The following ATP9B variants were observed in gnomAD, a reference collection of about 807,000 sequenced individuals.
ATP9B encodes ATPase phospholipid transporting 9B.
ATP9B carries 110 observed loss-of-function variants against 146.1 expected under a neutral mutation model. That is an observed-to-expected ratio of 0.75 (90% CI 0.65 to 0.88). The LOEUF (loss-of-function observed/expected upper bound fraction) is 0.88. ATP9B is among the 40% of genes least tolerant of loss of function. The pLI, the probability that ATP9B is intolerant of heterozygous loss-of-function variation, is 0.00. For missense variants in ATP9B, 1,499 were observed against 1,496.4 expected (o/e 1.00, Z -0.03); for synonymous variants, 604 against 569.7 (o/e 1.06, Z -0.86).
intron 11 of ATP9B, among the ~76,000 whole-genome samples, chr18:79,225,802 TCGCAGGGCGGCCAC>T (rs1218391820): frequency 3.2e-5 from 4 of 126,374 alleles, no homozygotes; most frequent in African/African-American, 1.0e-4. Flanking sequence ...GGTCCCGCAG[TCGCAGGGCGGCCAC>T]TGTCTTCAGC....
chr18:79,177,545 A>C (rs2095192325), intron 8 of ATP9B, among the ~76,000 whole-genome samples: 1 of 152,018 alleles, frequency 6.6e-6, no homozygotes, highest in Admixed American at 6.6e-5. Context: ...GCCCAGTGAT[A>C]AATTTTTATT....
chr18:79,354,789 G>A lies in ATP9B; in HGVS notation c.2904-4565G>A, dbSNP rs147748498. On this transcript the variant is annotated intron_variant, in intron 25 of 29. Coordinates refer to ENST00000426216, the MANE Select transcript of ATP9B (RefSeq NM_198531.5). ...TCCAGCAGCTGGAGCTGAAGGAGCCGGCAGCCTGGAAACGCCCATGGGTGC... is the reference window on the plus strand; with the variant it reads ...TCCAGCAGCTGGAGCTGAAGGAGCCAGCAGCCTGGAAACGCCCATGGGTGC... Among the ~76,000 whole-genome samples the A allele has an allele frequency of 6.6e-3, 1,000 of 152,182 alleles. 5 individuals are homozygous for A. The highest frequency in any genetic ancestry group is 0.022 in the African/African-American group (924 of 41,518).
chr18:79,157,054 G>A (rs1449506487), intron 7 of ATP9B, among the ~76,000 whole-genome samples: 2 of 151,904 alleles, frequency 1.3e-5, no homozygotes, highest in African/African-American at 4.8e-5. Flanking sequence ...GGCTTTTTTT[G>A]CATCTGTTTT....
intron 8 of ATP9B, among the ~76,000 whole-genome samples, chr18:79,191,573 A>G (rs1157354124): frequency 2.0e-5 from 3 of 152,186 alleles, no homozygotes; most frequent in Non-Finnish European, 4.4e-5. Context: ...TAGATTCACC[A>G]TCATCTGTAA....
At chr18:79,088,883 C>T (rs540217265) in intron 1 of ATP9B, among the ~76,000 whole-genome samples, 15 of 152,116 alleles carry the variant, frequency 9.9e-5, no homozygotes, top group Admixed American at 2.0e-4. Context: ...AGTTTATTTA[C>T]GTTACAGAAA....
At chr18:79,261,782 A>G (rs2096144433) in intron 12 of ATP9B, among the ~76,000 whole-genome samples, 1 of 152,152 alleles carries the variant, frequency 6.6e-6, no homozygotes, top group Admixed American at 6.5e-5. Flanking sequence ...TGTAAGAAAC[A>G]GTTCAGTTTC....
chr18:79,222,816 T>G (rs1382437129), intron 11 of ATP9B, among the ~76,000 whole-genome samples: 2 of 152,194 alleles, frequency 1.3e-5, no homozygotes, highest in African/African-American at 2.4e-5. Context: ...AAGTTCAAAT[T>G]ACAAGGACTA....
At chr18:79,345,159 C>G (rs925372391) in intron 21 of ATP9B, among the ~76,000 whole-genome samples, 6 of 152,168 alleles carry the variant, frequency 3.9e-5, no homozygotes, top group African/African-American at 1.4e-4. Flanking sequence ...TGTCGTAGCT[C>G]AAATCATGGA....
chr18:79,082,931 C>T (rs2073420152), intron 1 of ATP9B, among the ~76,000 whole-genome samples: 1 of 152,218 alleles, frequency 6.6e-6, no homozygotes, highest in African/African-American at 2.4e-5. Flanking sequence ...AGCTCAAGCG[C>T]TGTGCTGGGA....
chr18:79,174,414 T>C (rs1267935905), intron 7 of ATP9B, among the ~76,000 whole-genome samples: 1 of 152,192 alleles, frequency 6.6e-6, no homozygotes, highest in Non-Finnish European at 1.5e-5. Flanking sequence ...TACCATAAAC[T>C]ATTGAACAGG....
chr18:79,366,526 C>A (rs1256209694), intron 26 of ATP9B, among the ~76,000 whole-genome samples: 1 of 152,178 alleles, frequency 6.6e-6, no homozygotes, highest in Non-Finnish European at 1.5e-5. Context: ...CAGATTTCTC[C>A]CTGTTAGCGA....
chr18:79,291,786 A>C (rs529975126), intron 13 of ATP9B, among the ~76,000 whole-genome samples: 2 of 152,364 alleles, frequency 1.3e-5, no homozygotes, highest in South Asian at 4.1e-4. Flanking sequence ...CATTTGTTTA[A>C]TTCAAATGGT....
chr18:79,247,563 C>T (rs1336726007), intron 11 of ATP9B, among the ~76,000 whole-genome samples: 1 of 152,038 alleles, frequency 6.6e-6, no homozygotes, highest in Non-Finnish European at 1.5e-5. Flanking sequence ...TTATATAGGT[C>T]GGCGGACAGA....
At chr18:79,101,908 T>C (rs1420627840) in intron 2 of ATP9B, among the ~76,000 whole-genome samples, 2 of 152,180 alleles carry the variant, frequency 1.3e-5, no homozygotes, top group African/African-American at 4.8e-5. Flanking sequence ...CTGTCAGACA[T>C]GTAGTTGGAC....
intron 9 of ATP9B, among the ~76,000 whole-genome samples, chr18:79,202,279 C>A (rs576586644): frequency 1.2e-4 from 18 of 152,132 alleles, no homozygotes; most frequent in African/African-American, 4.3e-4. Flanking sequence ...ACTTATTGTT[C>A]AAAATCTGTA....
chr18:79,189,344 C>CG (rs536772018), intron 8 of ATP9B, among the ~76,000 whole-genome samples: 1 of 148,586 alleles, frequency 6.7e-6, no homozygotes, highest in Non-Finnish European at 1.5e-5. Flanking sequence ...GAGACTCCAT[C>CG]AAAAAAAAAA....
At chr18:79,106,220 G>A (rs145432064) in intron 2 of ATP9B, among the ~76,000 whole-genome samples, 9 of 152,260 alleles carry the variant, frequency 5.9e-5, no homozygotes, top group Middle Eastern at 3.4e-3. Context: ...ACTATTTCGC[G>A]TACATAGAAA....
intron 26 of ATP9B, among the ~76,000 whole-genome samples, chr18:79,368,624 T>C (rs1356616878): frequency 2.6e-5 from 4 of 152,146 alleles, no homozygotes; most frequent in Admixed American, 2.6e-4. Flanking sequence ...AGAGATGTAT[T>C]TAATGAAATT....
At chr18:79,277,342 G>T (rs2096323268) in intron 13 of ATP9B, 146 bp downstream of exon 13, 1 of 1,006,096 alleles carries the variant, frequency 9.9e-7, no homozygotes, top group Non-Finnish European at 1.4e-6. Flanking sequence ...GAATTTTTCA[G>T]CCTCTACTCT....
Sources: allele counts gnomAD v4.1 joint callset (sites outside exome capture counted in the v4.1 genomes callset), GRCh38; gene constraint gnomAD v4.1.1; transcripts MANE v1.5; gene names NCBI Gene and HGNC (gene_info 2026-07-23, HGNC 2026-07-21).